TRIM39: variants seen among roughly 807,000 people sequenced by gnomAD.
TRIM39 encodes E3 ubiquitin-protein ligase TRIM39.
A neutral mutation model predicts 53.6 loss-of-function variants in TRIM39; 5 were observed. The observed-to-expected ratio is 0.09, with a 90% CI of 0.05 to 0.20. The LOEUF (loss-of-function observed/expected upper bound fraction) is 0.20, where lower values mean the gene tolerates loss of function less well. TRIM39 is among the 10% of genes least tolerant of loss of function. The pLI, the probability that TRIM39 is intolerant of heterozygous loss-of-function variation, is 1.00. For missense variants in TRIM39, 310 were observed against 621.0 expected (o/e 0.50, Z 5.32); for synonymous variants, 196 against 237.6 (o/e 0.82, Z 1.61).
In TRIM39 at chr6:30,335,533, G is replaced by A. The variant is rs1294389347; in HGVS notation, c.550-212G>A. 6.6e-6 allele frequency among the ~76,000 whole-genome samples: 1 copy of A among 152,086 alleles called. No homozygotes were observed. The highest frequency in any genetic ancestry group is 2.4e-5 in the African/African-American group (1 of 41,412). On this transcript the variant is annotated intron_variant, in intron 4 of 7. Coordinates refer to ENST00000396551, the Ensembl canonical transcript of TRIM39. This position sits in a 1 kb window ranked among gnomAD's most constrained non-coding sequence, Gnocchi z 4.7. ...AGTTGGGGTTTCACCATGTTACCTA[G>A]GCTGGTCTCAAACTTCTCATCCCAA...
intron 4 of TRIM39, among the ~76,000 whole-genome samples, chr6:30,333,784 A>G (rs1227821758): frequency 6.6e-6 from 1 of 152,174 alleles, no homozygotes; most frequent in Non-Finnish European, 1.5e-5. Flanking sequence ...TTCCCCAACC[A>G]TGGAAAACAA....
At chr6:30,341,442 A>C (rs1428560117) in intron 7 of TRIM39, 1 of 701,586 alleles carries the variant, frequency 1.4e-6, no homozygotes, top group Admixed American at 2.0e-5. Context: ...TCAGAGGGAG[A>C]TGAAGAGAGG....
chr6:30,335,255 T>C lies in TRIM39; in HGVS notation c.550-490T>C, dbSNP rs1410478344. Among the ~76,000 whole-genome samples the C allele has an allele frequency of 6.6e-6, 1 of 152,152 alleles. No homozygotes were observed. Among genetic ancestry groups the C allele is most frequent in the Non-Finnish European group, 1.5e-5 (1 of 68,030 alleles). ...AAATTCCAATGGAATAAAAAATGAGTGTTCTGTTAAACCATTTTCTCTCAT... is the reference window on the plus strand; with the variant it reads ...AAATTCCAATGGAATAAAAAATGAGCGTTCTGTTAAACCATTTTCTCTCAT... On this transcript the variant is annotated intron_variant, in intron 4 of 7. Coordinates refer to ENST00000396551, the Ensembl canonical transcript of TRIM39. The surrounding 1 kb of genome is among the most constrained non-coding windows in gnomAD (Gnocchi z 4.7).
At chr6:30,333,102 C>T (rs976169351) in intron 4 of TRIM39, among the ~76,000 whole-genome samples, 1 of 152,078 alleles carries the variant, frequency 6.6e-6, no homozygotes, top group African/African-American at 2.4e-5. Flanking sequence ...ATCAGCAACG[C>T]CATAAATACA....
chr6:30,340,880 T>C (rs1787437143), intron 7 of TRIM39, among the ~76,000 whole-genome samples: 1 of 152,134 alleles, frequency 6.6e-6, no homozygotes, highest in African/African-American at 2.4e-5. Flanking sequence ...AGTCATCGGG[T>C]AGAGTGGTTA....
Position 30,335,425 on chromosome 6 carries a change from C to T in TRIM39, c.550-320C>T, listed in dbSNP as rs1177829138. 1.3e-5 allele frequency among the ~76,000 whole-genome samples: 2 copies of T among 152,156 alleles called. No homozygotes were observed. The highest frequency in any genetic ancestry group is 2.9e-5 in the Non-Finnish European group (2 of 68,026). ...CAACCTCTGCCTTCTTTGCTCAAGCCATCATCCCACCTCAGCCTCTCCAGT... is the reference window on the plus strand; with the variant it reads ...CAACCTCTGCCTTCTTTGCTCAAGCTATCATCCCACCTCAGCCTCTCCAGT... On this transcript the variant is annotated intron_variant, in intron 4 of 7. Coordinates refer to ENST00000396551, the Ensembl canonical transcript of TRIM39. This position sits in a 1 kb window ranked among gnomAD's most constrained non-coding sequence, Gnocchi z 4.7.
intron 4 of TRIM39, among the ~76,000 whole-genome samples, chr6:30,332,251 G>A (rs1236181472): frequency 6.6e-6 from 1 of 152,172 alleles, no homozygotes; most frequent in African/African-American, 2.4e-5. Flanking sequence ...TTTGACACTG[G>A]GGAACAATGA....
chr6:30,341,407 C>G (rs1289990842), intron 7 of TRIM39: 6 of 658,090 alleles, frequency 9.1e-6, no homozygotes, highest in East Asian at 3.2e-5. Flanking sequence ...TTGTACTTCT[C>G]TACATAGTGA....
At chr6:30,340,398 T>C in intron 6 of TRIM39, 107 bp from the exon 7 acceptor site, 1 of 1,609,476 alleles carries the variant, frequency 6.2e-7, no homozygotes, top group Non-Finnish European at 8.5e-7. Context: ...AGTGGGAAGA[T>C]GGAGAATTTT....
In TRIM39 at chr6:30,328,872, A is replaced by G. The variant is rs1448861089; in HGVS notation, c.-160-17A>G. ...TTTAAGAAATGTTAATATTTTTATGACTTTTTTACTTCTCAGATTCCTTTC... is the reference window on the plus strand; with the variant it reads ...TTTAAGAAATGTTAATATTTTTATGGCTTTTTTACTTCTCAGATTCCTTTC... On this transcript the variant is annotated splice_polypyrimidine_tract_variant and intron_variant, in intron 1 of 7. Coordinates refer to ENST00000396551, the Ensembl canonical transcript of TRIM39. The G allele has an allele frequency of 4.4e-5, 1 of 22,956 alleles. No homozygotes were observed. The highest frequency in any genetic ancestry group is 5.3e-4 in the African/African-American group (1 of 1,896). 1.4% of individuals were successfully genotyped at this position (22,956 alleles called of 1,614,324 possible). A position where few individuals can be genotyped will look rare whatever the true frequency, so the allele number is the denominator to read the frequency against.
chr6:30,336,247 C>T (rs1363599613), intron 5 of TRIM39: 1 of 689,646 alleles, frequency 1.5e-6, no homozygotes, highest in African/African-American at 1.8e-5. Flanking sequence ...GAAGTCTAGC[C>T]TGAGTTAGTG....
chr6:30,335,798 T>C lies in TRIM39; in HGVS notation c.603T>C (p.His201=). 3 of 1,613,018 alleles carry C rather than the reference T, an allele frequency of 1.9e-6. No homozygotes were observed. Among genetic ancestry groups the C allele is most frequent in the East Asian group, 2.2e-5 (1 of 44,890 alleles). The change falls in exon 5 of 8, where the codon CAT becomes CAC. Residue 201 remains histidine, a synonymous_variant. Coordinates refer to ENST00000396551, the Ensembl canonical transcript of TRIM39. The surrounding 1 kb of genome is among the most constrained non-coding windows in gnomAD (Gnocchi z 4.7). ...TCTTGAGGGAGTTTGAAGAGCTTCATAGGCGGCTGGATGAAGAGCAGCAGG... is the reference window on the plus strand; with the variant it reads ...TCTTGAGGGAGTTTGAAGAGCTTCACAGGCGGCTGGATGAAGAGCAGCAGG...
chr6:30,331,434 C>A (rs1786162544), intron 4 of TRIM39, among the ~76,000 whole-genome samples: 1 of 152,170 alleles, frequency 6.6e-6, no homozygotes, highest in Non-Finnish European at 1.5e-5. Context: ...GAATATCTTA[C>A]ATCTGGTGAG....
At chr6:30,334,326 A>G (rs945377592) in intron 4 of TRIM39, among the ~76,000 whole-genome samples, 1 of 151,920 alleles carries the variant, frequency 6.6e-6, no homozygotes, top group Non-Finnish European at 1.5e-5. Flanking sequence ...GGAGATCACT[A>G]TTTGTTGTAG....
At chr6:30,336,566 C>A (rs1449926783) in intron 5 of TRIM39, among the ~76,000 whole-genome samples, 1 of 152,052 alleles carries the variant, frequency 6.6e-6, no homozygotes, top group East Asian at 1.9e-4. Context: ...TAAAATAAGA[C>A]AACGACGAAG....
chr6:30,342,443 C>T lies in TRIM39; in HGVS notation c.*184C>T. 1 of 641,646 alleles carries T rather than the reference C, an allele frequency of 1.6e-6. No homozygotes were observed. Among genetic ancestry groups the T allele is most frequent in the East Asian group, 2.7e-5 (1 of 36,574 alleles). The allele number at this position is 641,646 out of a possible 1,614,324, so 39.7% of individuals were successfully genotyped here. ...GGTAGGACTGGGCTGGATGAGAGAG[C>T]ACAGCTGTGACTTCCTCCTAACTGT... On this transcript the variant is annotated 3_prime_UTR_variant, in exon 8 of 8. Transcript: ENST00000396551. This position sits in a 1 kb window ranked among gnomAD's most constrained non-coding sequence, Gnocchi z 4.7.
chr6:30,333,955 A>G (rs1280374802), intron 4 of TRIM39, among the ~76,000 whole-genome samples: 1 of 152,244 alleles, frequency 6.6e-6, no homozygotes, highest in Admixed American at 6.5e-5. Flanking sequence ...TGTTAAACTT[A>G]CACCCATACC....
At chr6:30,334,506 A>T (rs756381841) in intron 4 of TRIM39, among the ~76,000 whole-genome samples, 32 of 152,220 alleles carry the variant, frequency 2.1e-4, no homozygotes, top group Non-Finnish European at 4.4e-4. Context: ...AACTTCTGTA[A>T]CCTGTTCCTG....
intron 6 of TRIM39, 117 bp from the exon 7 acceptor site, chr6:30,340,388 A>C: frequency 6.2e-7 from 1 of 1,611,472 alleles, no homozygotes; most frequent in Non-Finnish European, 8.5e-7. Context: ...GGAGGAAGAA[A>C]GTGGGAAGAT....
Sources: allele counts gnomAD v4.1 joint callset (sites outside exome capture counted in the v4.1 genomes callset), GRCh38; gene constraint gnomAD v4.1.1; non-coding constraint Gnocchi (gnomAD v3.1); transcripts MANE v1.5; gene names NCBI Gene and HGNC (gene_info 2026-07-23, HGNC 2026-07-21).